The following SCUBE1 variants were observed in gnomAD, a reference collection of about 807,000 sequenced individuals.
SCUBE1 encodes the protein signal peptide, CUB domain and EGF like domain containing 1.
A neutral mutation model predicts 124.4 loss-of-function variants in SCUBE1; 59 were observed. The observed-to-expected ratio is 0.47, with a 90% CI of 0.38 to 0.59. The LOEUF is 0.59. Ranked by LOEUF, SCUBE1 falls within the 20% of genes least tolerant of loss-of-function variation. The pLI is 0.00. For missense variants in SCUBE1, 1,150 were observed against 1,371.2 expected, an observed-to-expected ratio of 0.84 and a Z score of 2.55; for synonymous variants, 545 against 550.9, an observed-to-expected ratio of 0.99 and a Z score of 0.15.
intron 2 of SCUBE1, among the ~76,000 whole-genome samples, chr22:43,321,457 C>T (rs1356613706): frequency 6.6e-6 from 1 of 152,222 alleles, no homozygotes; most frequent in Non-Finnish European, 1.5e-5. Context: ...AGGTAGTGAG[C>T]TCCCTGACTC....
chr22:43,336,347 C>T (rs930729842), intron 2 of SCUBE1, among the ~76,000 whole-genome samples: 2 of 152,130 alleles, frequency 1.3e-5, no homozygotes, highest in Non-Finnish European at 2.9e-5. Flanking sequence ...CGAGCCCTTC[C>T]ACAGACCCCA....
At chr22:43,296,239 C>T (rs1319612188) in intron 3 of SCUBE1, among the ~76,000 whole-genome samples, 1 of 152,248 alleles carries the variant, frequency 6.6e-6, no homozygotes, top group Admixed American at 6.5e-5. Context: ...GGGACAGTCC[C>T]TGCAGAAAAC....
chr22:43,292,063 C>T (rs894256890), intron 3 of SCUBE1, among the ~76,000 whole-genome samples: 1 of 152,152 alleles, frequency 6.6e-6, no homozygotes, highest in African/African-American at 2.4e-5. Flanking sequence ...AGCTGCAACC[C>T]CACGAGCCCC....
At chr22:43,304,248 G>C (rs1253495482) in intron 3 of SCUBE1, among the ~76,000 whole-genome samples, 1 of 152,174 alleles carries the variant, frequency 6.6e-6, no homozygotes, top group Non-Finnish European at 1.5e-5. Context: ...TTTTCTATTG[G>C]CCACATCCAT....
rs78697261 is a variant in SCUBE1, at chr22:43,197,756, C to T, written c.*6241G>A. ...AGCCTCTGGCTGTGTCTGCTCACGT[C>T]GGCACAGTGAGTACCCTGTCCGCCT... On this transcript the variant is annotated 3_prime_UTR_variant, in exon 22 of 22. Transcript: ENST00000360835. The T allele has an allele frequency of 0.041, 6,220 of 152,342 alleles. 171 individuals are homozygous for T. The highest frequency in any genetic ancestry group is 0.089 in the South Asian group (432 of 4,830). 9.4% of individuals were successfully genotyped at this position (152,342 alleles called of 1,614,324 possible).
At chr22:43,291,827 C>G (rs1925372136) in intron 3 of SCUBE1, among the ~76,000 whole-genome samples, 1 of 152,140 alleles carries the variant, frequency 6.6e-6, no homozygotes, top group South Asian at 2.1e-4. Flanking sequence ...TCACAGCAAC[C>G]CTGTAAGTCA....
At chr22:43,338,134 A>T (rs1927145303) in intron 2 of SCUBE1, among the ~76,000 whole-genome samples, 1 of 152,058 alleles carries the variant, frequency 6.6e-6, no homozygotes, top group African/African-American at 2.4e-5. Context: ...CCTGCCCCAG[A>T]CCCATGGGGT....
Position 43,222,734 on chromosome 22 carries a change from T to A in SCUBE1, c.1336A>T (p.Asn446Tyr), listed in dbSNP as rs199631500. ...AHTLFVPDSE[N>Y]SYVLSCGVPG... ...ACTCCGCAGCTCAGGACGTAGCTAT[T>A]TTCCGAGTCTGCAGAGAAGCCGGTG... is the stretch of plus-strand genomic sequence containing the variant. Residue 446 changes from asparagine to tyrosine, a missense_variant, in exon 12 of 22, where the codon AAT becomes TAT. Around this residue, in one of 3 missense-constraint regions of SCUBE1, gnomAD observed 757 missense variants for 840.9 expected, o/e 0.90. Transcript: ENST00000360835. 47 of 1,600,610 alleles carry A rather than the reference T, an allele frequency of 2.9e-5. No individual in the cohort carries two copies. Among genetic ancestry groups the A allele is most frequent in the Non-Finnish European group, 3.9e-5 (46 of 1,173,230 alleles).
At chr22:43,209,618 G>C (rs563439639) in intron 19 of SCUBE1, among the ~76,000 whole-genome samples, 1 of 152,340 alleles carries the variant, frequency 6.6e-6, no homozygotes, top group East Asian at 1.9e-4. Context: ...TGTGGTGCAT[G>C]GGACGGCCGT....
intron 7 of SCUBE1, among the ~76,000 whole-genome samples, chr22:43,235,139 C>T (rs183241869): frequency 4.6e-5 from 7 of 152,174 alleles, no homozygotes; most frequent in South Asian, 2.1e-4. Flanking sequence ...GAACGCTCAC[C>T]GAATAAAGGA....
chr22:43,229,494 A>C (rs769332392), intron 8 of SCUBE1, among the ~76,000 whole-genome samples: 2 of 152,186 alleles, frequency 1.3e-5, no homozygotes, highest in Admixed American at 6.5e-5. Context: ...TCTCACAGTC[A>C]GCTCCAATTA....
At chr22:43,290,375 A>C (rs890594026) in intron 4 of SCUBE1, among the ~76,000 whole-genome samples, 4 of 151,566 alleles carry the variant, frequency 2.6e-5, no homozygotes, top group Non-Finnish European at 5.9e-5. Flanking sequence ...CCGCCACCTC[A>C]CAGCTCTGCT....
At chr22:43,245,490 A>C (rs559835869) in intron 6 of SCUBE1, among the ~76,000 whole-genome samples, 47 of 152,168 alleles carry the variant, frequency 3.1e-4, no homozygotes, top group Non-Finnish European at 5.6e-4. Flanking sequence ...ACGCAGGGTG[A>C]CTGTGGAGGC....
At chr22:43,302,168 G>A (rs1321737288) in intron 3 of SCUBE1, among the ~76,000 whole-genome samples, 2 of 152,214 alleles carry the variant, frequency 1.3e-5, no homozygotes. Flanking sequence ...TGCGGAGATC[G>A]CGATGGGGAA....
At chr22:43,239,334 C>CA (rs1922903971) in intron 6 of SCUBE1, among the ~76,000 whole-genome samples, 1 of 152,264 alleles carries the variant, frequency 6.6e-6, no homozygotes, top group Admixed American at 6.5e-5. Flanking sequence ...TGCCTGGACT[C>CA]AGACTCCAAG....
chr22:43,279,550 C>T, intron 4 of SCUBE1, among the ~76,000 whole-genome samples: 1 of 152,242 alleles, frequency 6.6e-6, no homozygotes, highest in East Asian at 1.9e-4. Context: ...TCTTGGACTT[C>T]CAAGCCTCCA....
rs185039637 is a variant in SCUBE1 at position 43,227,412 on chromosome 22, G to A, written c.1169C>T (p.Pro390Leu). 23 of 1,611,952 alleles carry A rather than the reference G, an allele frequency of 1.4e-5. No individual in the cohort carries two copies. Among genetic ancestry groups the A allele is most frequent in the East Asian group, 2.2e-5 (1 of 44,862 alleles). The change falls in exon 10 of 22, where the codon CCG becomes CTG. Residue 390 changes from proline (P) to leucine (L), a missense_variant. Physicochemically the swap from Pro to Leu is moderately conservative, Grantham distance 98. This residue lies in a region of SCUBE1 where 757 missense variants were observed against 840.9 expected (regional missense o/e 0.90). Coordinates refer to ENST00000360835, the MANE Select transcript of SCUBE1 (RefSeq NM_173050.5). ...TKGSYECVCP[P>L]GRRLHWNGKD... ...CCCGTTCCAGTGGAGCCGCCTCCCC[G>A]GGGGACAGACGCACTCGTAGCTGCC... is the stretch of plus-strand genomic sequence containing the variant.
At chr22:43,259,103 A>G (rs1923777488) in intron 5 of SCUBE1, among the ~76,000 whole-genome samples, 1 of 152,244 alleles carries the variant, frequency 6.6e-6, no homozygotes, top group Non-Finnish European at 1.5e-5. Flanking sequence ...GGCAGAACAG[A>G]AAGGAGTCTG....
Position 43,304,873 on chromosome 22 carries a change from G to A in SCUBE1, c.350-13693C>T, listed in dbSNP as rs921873878. Among the ~76,000 whole-genome samples, 4 of 152,220 alleles carry A rather than the reference G, an allele frequency of 2.6e-5. No individual in the cohort carries two copies. The South Asian group carries it at 8.3e-4, about 32-fold the overall frequency. The stretch of plus-strand genomic sequence containing the variant: ...CACACCATCCCTTTGCACACCCCTA[G>A]TATTAATTACACAAAGGACACCATA... On this transcript the variant is annotated intron_variant, in intron 3 of 21. Transcript: ENST00000360835.
Sources: allele counts gnomAD v4.1 joint callset (sites outside exome capture counted in the v4.1 genomes callset), GRCh38; gene constraint gnomAD v4.1.1; regional missense constraint gnomAD v4.1.1; transcripts MANE v1.5; gene names NCBI Gene and HGNC (gene_info 2026-07-23, HGNC 2026-07-21).